Variants in IL1R1 observed in about 807,000 individuals in gnomAD.
IL1R1 encodes the protein interleukin-1 receptor type 1.
A neutral mutation model predicts 50.2 loss-of-function variants in IL1R1; 22 were observed. That is an observed-to-expected ratio of 0.44 (90% CI 0.31 to 0.63). IL1R1 has a LOEUF of 0.63. Among genes scored for constraint, IL1R1 ranks in the 20% least tolerant of loss-of-function variants. IL1R1 has a pLI of 0.07. For missense variants in IL1R1, 509 were observed against 676.2 expected (o/e 0.75, Z 2.74); for synonymous variants, 251 against 236.7 (o/e 1.06, Z -0.55).
chr2:102,109,156 G>A (rs994012783), intron 1 of IL1R1, among the ~76,000 whole-genome samples: 8 of 151,978 alleles, frequency 5.3e-5, no homozygotes, highest in South Asian at 2.1e-4. Flanking sequence ...GAATTATGAC[G>A]CAGACAGGCT....
intron 1 of IL1R1, among the ~76,000 whole-genome samples, chr2:102,144,722 C>T (rs995559084): frequency 6.6e-6 from 1 of 152,110 alleles, no homozygotes; most frequent in Non-Finnish European, 1.5e-5. Flanking sequence ...CTTTGAAATC[C>T]GCCCCTTTGT....
chr2:102,168,017 G>A (rs542038656), intron 6 of IL1R1, among the ~76,000 whole-genome samples: 11 of 152,120 alleles, frequency 7.2e-5, no homozygotes, highest in Non-Finnish European at 1.5e-4. Context: ...GGAATACCGA[G>A]TGCTCAATTT....
At chr2:102,103,062 G>C (rs773253175), upstream of IL1R1, among the ~76,000 whole-genome samples, 4 of 151,976 alleles carry the variant, frequency 2.6e-5, no homozygotes, top group African/African-American at 4.8e-5. Flanking sequence ...TATTACCTAG[G>C]TTACAAAAAA....
chr2:102,089,934 C>T (rs542616306), intron 1 of IL1R1, among the ~76,000 whole-genome samples: 3 of 150,766 alleles, frequency 2.0e-5, no homozygotes, highest in Admixed American at 6.6e-5. Flanking sequence ...CCCGGGTTCA[C>T]GCCATTCTCC....
chr2:102,096,553 T>C (rs1679910865), intron 1 of IL1R1, among the ~76,000 whole-genome samples: 1 of 151,862 alleles, frequency 6.6e-6, no homozygotes. Flanking sequence ...TTTTGCCTAT[T>C]TAATATTTTT....
upstream of IL1R1, among the ~76,000 whole-genome samples, chr2:102,101,106 C>T (rs1680122114): frequency 6.6e-6 from 1 of 152,136 alleles, no homozygotes; most frequent in South Asian, 2.1e-4. Context: ...CACAAGTCAC[C>T]CAGAAAGCTT....
chr2:102,073,834 C>T (rs1678845100), intron 1 of IL1R1, among the ~76,000 whole-genome samples: 1 of 151,956 alleles, frequency 6.6e-6, no homozygotes. Flanking sequence ...CTACCTTATG[C>T]AATTAAAAAA....
At chr2:102,121,100 G>A (rs983898618) in intron 1 of IL1R1, among the ~76,000 whole-genome samples, 5 of 152,122 alleles carry the variant, frequency 3.3e-5, no homozygotes, top group African/African-American at 1.2e-4. Flanking sequence ...CCCGGGAGAT[G>A]GCTCATCCTG....
At chr2:102,161,828 T>C (rs1451236282) in intron 3 of IL1R1, among the ~76,000 whole-genome samples, 1 of 152,104 alleles carries the variant, frequency 6.6e-6, no homozygotes, top group Non-Finnish European at 1.5e-5. Flanking sequence ...GCCTCCCAAG[T>C]AGCTAGGATT....
intron 1 of IL1R1, among the ~76,000 whole-genome samples, chr2:102,136,053 C>T (rs1204754556): frequency 2.0e-5 from 3 of 152,132 alleles, no homozygotes; most frequent in African/African-American, 4.8e-5. Flanking sequence ...CTAAGTCTTT[C>T]ATGCCATTAC....
intron 1 of IL1R1, among the ~76,000 whole-genome samples, chr2:102,077,095 G>A (rs13416691): frequency 0.021 from 3,185 of 151,710 alleles, 127 homozygotes; most frequent in African/African-American, 0.073. Flanking sequence ...TTTTGAGAGA[G>A]AGTCTTGCTC....
chr2:102,109,220 A>G (rs940302001), intron 1 of IL1R1, among the ~76,000 whole-genome samples: 5 of 152,064 alleles, frequency 3.3e-5, no homozygotes, highest in Admixed American at 2.6e-4. Context: ...TTTGGAGACA[A>G]TGTCTCATGG....
chr2:102,167,711 G>A (rs952145212), intron 6 of IL1R1, among the ~76,000 whole-genome samples: 3 of 151,880 alleles, frequency 2.0e-5, no homozygotes, highest in Non-Finnish European at 4.4e-5. Flanking sequence ...GCCTCCTTAA[G>A]TGCTGGGATT....
At chr2:102,076,927 C>T (rs1389344501) in intron 1 of IL1R1, among the ~76,000 whole-genome samples, 1 of 152,036 alleles carries the variant, frequency 6.6e-6, no homozygotes, top group African/African-American at 2.4e-5. Flanking sequence ...ACTTCCATTA[C>T]ACATATATTT....
chr2:102,113,205 G>A (rs1295133326), intron 1 of IL1R1, among the ~76,000 whole-genome samples: 1 of 152,246 alleles, frequency 6.6e-6, no homozygotes, highest in African/African-American at 2.4e-5. Context: ...ATTTTAGTAA[G>A]TTTCAGGTCT....
chr2:102,103,661 G>A (rs1680250084), upstream of IL1R1, among the ~76,000 whole-genome samples: 1 of 152,074 alleles, frequency 6.6e-6, no homozygotes, highest in South Asian at 2.1e-4. Flanking sequence ...TGTTGAGAAT[G>A]TTCATCGGAG....
At chr2:102,157,688 T>C (rs752794126) in intron 2 of IL1R1, 31 bp from the exon 3 acceptor site, 15 of 1,463,296 alleles carry the variant, frequency 1.0e-5, no homozygotes, top group Non-Finnish European at 1.4e-5. Context: ...ATTTTTGCTT[T>C]TGTCTTTCTT....
intron 1 of IL1R1, among the ~76,000 whole-genome samples, chr2:102,135,790 TTCTG>T (rs1201807695): frequency 1.3e-5 from 2 of 152,258 alleles, no homozygotes; most frequent in Non-Finnish European, 2.9e-5. Context: ...CCTATATCTG[TTCTG>T]TCTAATATGA....
chr2:102,087,378 C>T (rs1016857308), intron 1 of IL1R1, among the ~76,000 whole-genome samples: 2 of 152,230 alleles, frequency 1.3e-5, no homozygotes, highest in African/African-American at 4.8e-5. Context: ...GCATGTGATG[C>T]TGTTTGACAG....
Sources: allele counts gnomAD v4.1 joint callset (sites outside exome capture counted in the v4.1 genomes callset), GRCh38; gene constraint gnomAD v4.1.1; transcripts MANE v1.5; gene names NCBI Gene and HGNC (gene_info 2026-07-23, HGNC 2026-07-21).